Variants in INSYN2B observed in about 807,000 individuals in gnomAD.
The protein encoded by INSYN2B is inhibitory synaptic factor family member 2B.
A neutral mutation model predicts 41.2 loss-of-function variants in INSYN2B; 16 were observed. The observed-to-expected ratio is 0.39, with a 90% confidence interval of 0.26 to 0.59. The LOEUF is 0.59. Ranked by LOEUF, INSYN2B falls within the 20% of genes least tolerant of loss-of-function variation. INSYN2B has a pLI of 0.57. For missense variants in INSYN2B, 608 were observed against 646.4 expected (o/e 0.94, Z 0.64); for synonymous variants, 245 against 244.4 (o/e 1.00, Z -0.02).
At chr5:169,880,819 T>C (rs1156790848) in intron 3 of INSYN2B, among the ~76,000 whole-genome samples, 2 of 152,166 alleles carry the variant, frequency 1.3e-5, no homozygotes, top group Admixed American at 6.5e-5. Flanking sequence ...TTCCCTTTTG[T>C]CACTTATAAA....
At chr5:169,933,039 C>T (rs1775829000) in intron 1 of INSYN2B, among the ~76,000 whole-genome samples, 1 of 152,226 alleles carries the variant, frequency 6.6e-6, no homozygotes, top group Non-Finnish European at 1.5e-5. Flanking sequence ...CAGGTATTGG[C>T]AGGCAAAATT....
intron 1 of INSYN2B, among the ~76,000 whole-genome samples, chr5:169,915,062 C>T (rs575838523): frequency 6.6e-6 from 1 of 152,316 alleles, no homozygotes; most frequent in South Asian, 2.1e-4. Context: ...GTCTTCACCC[C>T]AGAGCCACTT....
chr5:169,883,940 G>A lies in INSYN2B; in HGVS notation c.-42C>T. ...GGATCAGGACCATACACTTCTCCTA[G>A]GCACATCTCCCCTTAGGTCTTTGGA... On this transcript the variant is annotated 5_prime_UTR_variant, in exon 2 of 4. Transcript: ENST00000377365. The A allele has an allele frequency of 2.8e-6, 4 of 1,444,132 alleles. No individual in the cohort carries two copies. Among genetic ancestry groups the A allele is most frequent in the Non-Finnish European group, 3.7e-6 (4 of 1,093,964 alleles). 89.5% of individuals were successfully genotyped at this position (1,444,132 alleles called of 1,614,324 possible). A position where few individuals can be genotyped will look rare whatever the true frequency, so the allele number is the denominator to read the frequency against.
At chr5:169,979,124 C>T (rs1777847057) in intron 1 of INSYN2B, among the ~76,000 whole-genome samples, 1 of 152,158 alleles carries the variant, frequency 6.6e-6, no homozygotes, top group African/African-American at 2.4e-5. Context: ...GGGATTCTTG[C>T]TAGCCTGGAG....
intron 1 of INSYN2B, among the ~76,000 whole-genome samples, chr5:169,904,823 C>A (rs1331707948): frequency 6.6e-6 from 1 of 152,148 alleles, no homozygotes; most frequent in Non-Finnish European, 1.5e-5. Flanking sequence ...CTAGTAGCAA[C>A]ACATTTCTGT....
At chr5:169,904,676 T>G (rs1774169918) in intron 1 of INSYN2B, among the ~76,000 whole-genome samples, 1 of 152,164 alleles carries the variant, frequency 6.6e-6, no homozygotes, top group South Asian at 2.1e-4. Flanking sequence ...TTCCCATCAT[T>G]TAAACAGACA....
chr5:169,865,850 G>C (rs1452391571), intron 3 of INSYN2B, among the ~76,000 whole-genome samples: 2 of 152,242 alleles, frequency 1.3e-5, no homozygotes, highest in Non-Finnish European at 2.9e-5. Context: ...CTGGAAAACA[G>C]CTGTCATTAA....
At chr5:169,870,927 C>G (rs1771926831) in intron 3 of INSYN2B, among the ~76,000 whole-genome samples, 1 of 151,562 alleles carries the variant, frequency 6.6e-6, no homozygotes, top group South Asian at 2.1e-4. Flanking sequence ...CACTTTATTT[C>G]TCACAGTTCT....
At chr5:169,905,622 C>G (rs1041290496) in intron 1 of INSYN2B, among the ~76,000 whole-genome samples, 7 of 152,138 alleles carry the variant, frequency 4.6e-5, no homozygotes, top group African/African-American at 1.7e-4. Flanking sequence ...CAGAATGGAA[C>G]TGAAATAGAG....
At chr5:169,956,359 C>G (rs570354610) in intron 1 of INSYN2B, among the ~76,000 whole-genome samples, 4 of 152,316 alleles carry the variant, frequency 2.6e-5, no homozygotes, top group Admixed American at 2.6e-4. Flanking sequence ...ATACTACTAA[C>G]TTAAGAGGCT....
At chr5:169,945,425 T>A (rs1168479365) in intron 1 of INSYN2B, among the ~76,000 whole-genome samples, 1 of 152,252 alleles carries the variant, frequency 6.6e-6, no homozygotes, top group Non-Finnish European at 1.5e-5. Context: ...GAGAATAAAC[T>A]CAACAGAAAT....
At chr5:169,908,053 A>G (rs969476719) in intron 1 of INSYN2B, among the ~76,000 whole-genome samples, 5 of 152,190 alleles carry the variant, frequency 3.3e-5, no homozygotes, top group Admixed American at 1.3e-4. Flanking sequence ...AACAATTTAG[A>G]TCAAGCCATC....
chr5:169,896,103 G>A (rs1425288713), intron 1 of INSYN2B, among the ~76,000 whole-genome samples: 1 of 152,130 alleles, frequency 6.6e-6, no homozygotes, highest in Non-Finnish European at 1.5e-5. Flanking sequence ...GCTGCACTGG[G>A]GCACAGGGAT....
At chr5:169,976,701 C>G (rs1777729208) in intron 1 of INSYN2B, among the ~76,000 whole-genome samples, 1 of 151,602 alleles carries the variant, frequency 6.6e-6, no homozygotes, top group South Asian at 2.1e-4. Context: ...AATTCAGGCC[C>G]CTCTTCGAGC....
intron 1 of INSYN2B, among the ~76,000 whole-genome samples, chr5:169,924,334 T>C (rs867577727): frequency 2.6e-5 from 4 of 152,224 alleles, no homozygotes; most frequent in Non-Finnish European, 5.9e-5. Context: ...CCTCATACTC[T>C]TTCCCTGTCA....
Position 169,882,738 on chromosome 5 carries a change from C to G in INSYN2B, c.1161G>C (p.Glu387Asp), listed in dbSNP as rs1489203964. The G allele has an allele frequency of 1.3e-6, 2 of 1,551,916 alleles. No homozygotes were observed. Residue 387 changes from glutamate (E) to aspartate (D), a missense_variant, in exon 2 of 4, where the codon GAG becomes GAC. Coordinates refer to ENST00000377365, the MANE Select transcript of INSYN2B (RefSeq NM_001129891.3). ...TCTCCCTGTTGCTCTGAAGTTTGGT[C>G]TCACTCCTTGAAAGAGAGGATGGGA... ...NHLPSSLSRSETKLQSNREIS... is the reference protein window; with the variant it reads ...NHLPSSLSRSDTKLQSNREIS...
intron 1 of INSYN2B, among the ~76,000 whole-genome samples, chr5:169,908,984 A>G (rs540562844): frequency 1.3e-5 from 2 of 152,332 alleles, no homozygotes; most frequent in South Asian, 4.2e-4. Context: ...TGCCTCTGGC[A>G]GAGAGAGCCA....
At chr5:169,971,221 A>G (rs1249449791) in intron 1 of INSYN2B, among the ~76,000 whole-genome samples, 1 of 151,212 alleles carries the variant, frequency 6.6e-6, no homozygotes, top group African/African-American at 2.4e-5. Flanking sequence ...TCATCTGGAA[A>G]ATTGCAAACC....
rs1221204035 is a variant in INSYN2B at position 169,911,315 on chromosome 5, G to A, written c.-918-26499C>T. Among the ~76,000 whole-genome samples, 5 of 152,046 alleles carry A rather than the reference G, an allele frequency of 3.3e-5. No individual in the cohort carries two copies. In the East Asian group the frequency reaches 5.8e-4, roughly 18 times the overall value. On this transcript the variant is annotated intron_variant, in intron 1 of 3. Coordinates refer to ENST00000377365, the MANE Select transcript of INSYN2B (RefSeq NM_001129891.3). ...GCTGCATTCCACACACATACCAATC[G>A]TGTATGAATTTCTGTTTATTAGAGA...
Sources: gnomAD v4.1 joint callset for allele counts (sites outside exome capture counted in the v4.1 genomes callset) on GRCh38, gnomAD v4.1.1 for gene constraint, MANE v1.5 for transcripts, NCBI Gene and HGNC (gene_info 2026-07-23, HGNC 2026-07-21) for gene names.